Variants in LTBP1 observed in about 807,000 individuals in gnomAD.
The protein encoded by LTBP1 is latent-transforming growth factor beta-binding protein 1.
In LTBP1, 129 loss-of-function variants were observed where a neutral mutation model predicts 207.6. The ratio of observed to expected loss-of-function variants is 0.62; its 90% CI spans 0.54 to 0.72. The LOEUF (loss-of-function observed/expected upper bound fraction) is 0.72, where lower values mean the gene tolerates loss of function less well. LTBP1 is among the 30% of genes least tolerant of loss of function. The pLI is 0.00. For missense variants in LTBP1, 2,281 were observed against 2,217.2 expected (o/e 1.03, Z -0.58); for synonymous variants, 963 against 833.7 (o/e 1.16, Z -2.67).
chr2:33,161,485 T>G (rs1284273093), intron 5 of LTBP1, among the ~76,000 whole-genome samples: 1 of 152,138 alleles, frequency 6.6e-6, no homozygotes, highest in Admixed American at 6.5e-5. Context: ...GCCAGGCTGG[T>G]CTTTAACTCC....
intron 18 of LTBP1, among the ~76,000 whole-genome samples, chr2:33,277,323 A>G (rs2093446103): frequency 1.3e-5 from 2 of 152,130 alleles, no homozygotes; most frequent in Admixed American, 6.5e-5. Flanking sequence ...CCACGAGGCT[A>G]CAGAACAAGC....
chr2:33,243,537 C>A (rs1290989177), intron 9 of LTBP1, 125 bp from the exon 10 acceptor site: 1 of 793,592 alleles, frequency 1.3e-6, no homozygotes, highest in Non-Finnish European at 2.0e-6. Flanking sequence ...TTCACACCTG[C>A]TACATCCTTT....
intron 15 of LTBP1, among the ~76,000 whole-genome samples, chr2:33,263,773 G>A (rs577546815): frequency 1.1e-4 from 17 of 151,872 alleles, no homozygotes; most frequent in East Asian, 1.9e-4. Context: ...CCAACATGGC[G>A]AAACCCCGTC....
intron 3 of LTBP1, among the ~76,000 whole-genome samples, chr2:33,108,507 A>T (rs572103492): frequency 6.0e-4 from 92 of 152,162 alleles, no homozygotes; most frequent in Non-Finnish European, 1.1e-3. Context: ...GCCCGTCCAC[A>T]TGTATGCTTT....
At chr2:33,123,698 T>C (rs547197378) in intron 4 of LTBP1, among the ~76,000 whole-genome samples, 10 of 152,322 alleles carry the variant, frequency 6.6e-5, no homozygotes, top group Admixed American at 3.3e-4. Context: ...GTTAGGAAAT[T>C]TGGACATAGG....
chr2:33,156,369 C>G (rs746517506), intron 5 of LTBP1, among the ~76,000 whole-genome samples: 23 of 152,122 alleles, frequency 1.5e-4, no homozygotes, highest in Non-Finnish European at 2.9e-4. Flanking sequence ...CTTGTGAGAT[C>G]CATCTTACTT....
chr2:33,011,223 C>T (rs1267142129), intron 2 of LTBP1, among the ~76,000 whole-genome samples: 1 of 152,038 alleles, frequency 6.6e-6, no homozygotes, highest in East Asian at 1.9e-4. Flanking sequence ...CTCCTCTTGG[C>T]ATGTAGGAGT....
intron 32 of LTBP1, among the ~76,000 whole-genome samples, chr2:33,390,750 C>A (rs1031365575): frequency 6.6e-6 from 1 of 152,122 alleles, no homozygotes; most frequent in Non-Finnish European, 1.5e-5. Context: ...CCTCGGCCTC[C>A]CAAAGTGCTT....
At chr2:33,374,755 C>T (rs532152670) in intron 31 of LTBP1, among the ~76,000 whole-genome samples, 2 of 152,286 alleles carry the variant, frequency 1.3e-5, no homozygotes, top group South Asian at 4.1e-4. Context: ...AGTTCGAGAC[C>T]AGCCTGGCCA....
intron 11 of LTBP1, among the ~76,000 whole-genome samples, chr2:33,254,267 T>C (rs1321007541): frequency 6.6e-6 from 1 of 152,156 alleles, no homozygotes; most frequent in African/African-American, 2.4e-5. Flanking sequence ...GTGAATTTAT[T>C]ATGCGTATTA....
intron 2 of LTBP1, among the ~76,000 whole-genome samples, chr2:33,009,621 G>A (rs1200744980): frequency 6.6e-6 from 1 of 152,200 alleles, no homozygotes; most frequent in Non-Finnish European, 1.5e-5. Flanking sequence ...TCAGTCCTCA[G>A]GAGGAACCAG....
intron 31 of LTBP1, among the ~76,000 whole-genome samples, chr2:33,384,793 C>G (rs1270557883): frequency 6.6e-6 from 1 of 152,168 alleles, no homozygotes; most frequent in Non-Finnish European, 1.5e-5. Flanking sequence ...CCAAGCTGGA[C>G]TGTAGCAGTG....
chr2:33,120,506 A>G (rs1162480467), intron 4 of LTBP1, among the ~76,000 whole-genome samples: 1 of 152,248 alleles, frequency 6.6e-6, no homozygotes, highest in Non-Finnish European at 1.5e-5. Flanking sequence ...ATGTTTCTGC[A>G]GAAGACATGA....
chr2:33,132,370 C>T (rs980939014), intron 4 of LTBP1, among the ~76,000 whole-genome samples: 4 of 152,074 alleles, frequency 2.6e-5, no homozygotes, highest in Non-Finnish European at 5.9e-5. Flanking sequence ...TTAAAATGTC[C>T]TGTAAGCATT....
chr2:33,358,598 CA>C (rs2149997152), intron 26 of LTBP1, among the ~76,000 whole-genome samples: 1 of 152,142 alleles, frequency 6.6e-6, no homozygotes, highest in South Asian at 2.1e-4. Context: ...CAACTTTGTA[CA>C]TGAGGGAAAA....
chr2:32,947,348 G>GGGGCTCCTGCTCTGGGCA lies in LTBP1; in HGVS notation c.33_50dup (p.Leu12_Leu17dup), dbSNP rs1676325944. On this transcript the variant is annotated inframe_insertion, in exon 1 of 34. Coordinates refer to ENST00000404816, the MANE Select transcript of LTBP1 (RefSeq NM_206943.4). ...CGATGGCGGGGGCCTGGCTCAGGTG[G>GGGGCTCCTGCTCTGGGCA]GGGCTCCTGCTCTGGGCAGGGCTCC... 1.6e-6 allele frequency: 2 copies of GGGGCTCCTGCTCTGGGCA among 1,263,450 alleles called. No homozygotes were observed. The highest frequency in any genetic ancestry group is 2.0e-6 in the Non-Finnish European group (2 of 1,004,960). The allele number at this position is 1,263,450 out of a possible 1,614,324, so 78.3% of individuals were successfully genotyped here. A position where few individuals can be genotyped will look rare whatever the true frequency, so the allele number is the denominator to read the frequency against.
intron 20 of LTBP1, among the ~76,000 whole-genome samples, chr2:33,297,247 A>G (rs1209153163): frequency 6.6e-6 from 1 of 152,022 alleles, no homozygotes; most frequent in Non-Finnish European, 1.5e-5. Context: ...CCTGGGATGC[A>G]TTACCTCATT....
chr2:33,158,547 T>C (rs1487491404), intron 5 of LTBP1, among the ~76,000 whole-genome samples: 4 of 152,154 alleles, frequency 2.6e-5, no homozygotes, highest in Admixed American at 2.6e-4. Context: ...GTTCCCTGGT[T>C]AATTCCTGGA....
chr2:33,355,833 C>T (rs1034185336), intron 26 of LTBP1, among the ~76,000 whole-genome samples: 4 of 152,156 alleles, frequency 2.6e-5, no homozygotes, highest in African/African-American at 9.7e-5. Flanking sequence ...CCTAGGTGTG[C>T]GTGTGTGTCC....
Sources: allele counts gnomAD v4.1 joint callset (sites outside exome capture counted in the v4.1 genomes callset), GRCh38; gene constraint gnomAD v4.1.1; transcripts MANE v1.5; gene names NCBI Gene and HGNC (gene_info 2026-07-23, HGNC 2026-07-21).